The following TSPOAP1 variants were observed in gnomAD, a reference collection of about 807,000 sequenced individuals.
TSPOAP1 encodes peripheral-type benzodiazepine receptor-associated protein 1.
Under a neutral mutation model 197.0 loss-of-function variants are expected in TSPOAP1, and 87 were observed. That is an observed-to-expected ratio of 0.44 (90% CI 0.37 to 0.53). The LOEUF (loss-of-function observed/expected upper bound fraction) is 0.53. TSPOAP1 is among the 20% of genes least tolerant of loss of function. The probability of loss-of-function intolerance (pLI) is 0.00; values close to 1 mark genes in which losing one functional copy is unlikely to be tolerated. For synonymous variants in TSPOAP1, 913 were observed against 998.9 expected, an observed-to-expected ratio of 0.91 and a Z score of 1.62; for missense variants, 2,174 against 2,411.3, an observed-to-expected ratio of 0.90 and a Z score of 2.06.
In TSPOAP1 at chr17:58,319,142, T is replaced by G. The variant is rs1598073253; in HGVS notation, c.1647A>C (p.Pro549=). Residue 549 remains proline (P), a synonymous_variant, in exon 13 of 32, where the codon CCA becomes CCC. Transcript: ENST00000343736. ...GGGGAATGGAGCAGCAGCAGGGGGG[T>G]GGTGGGCAGTCTCCAAGGCTCCCAC... ...LDCGSLGDCP[P]PPCCCSIPQP... is the part of the protein sequence containing the mutation. 1 of 1,547,848 alleles carries G rather than the reference T, an allele frequency of 6.5e-7. No homozygotes were observed. Among genetic ancestry groups the G allele is most frequent in the South Asian group, 1.2e-5 (1 of 84,116 alleles).
At position 58,324,798 on chromosome 17, in the gene TSPOAP1, C is replaced by A. The variant is rs1187567543; in HGVS notation, c.942+13G>T. On this transcript the variant is annotated intron_variant, in intron 5 of 31. Coordinates refer to ENST00000343736, the MANE Select transcript of TSPOAP1 (RefSeq NM_004758.4). This position sits in a 1 kb window ranked among gnomAD's most constrained non-coding sequence, Gnocchi z 5.8. ...GCACGCACCCACACACCTGCCCTTGCGCCGGCGCTCACCTCTCCCGGGGCC... is the reference window on the plus strand; with the variant it reads ...GCACGCACCCACACACCTGCCCTTGAGCCGGCGCTCACCTCTCCCGGGGCC... 14 of 1,446,528 alleles carry A rather than the reference C, an allele frequency of 9.7e-6. No homozygotes were observed. The East Asian group carries it at 3.0e-4, about 31-fold the overall frequency. 89.6% of individuals were successfully genotyped at this position (1,446,528 alleles called of 1,614,324 possible). A position where few individuals can be genotyped will look rare whatever the true frequency, so the allele number is the denominator to read the frequency against.
chr17:58,325,540 C>A lies in TSPOAP1; in HGVS notation c.744G>T (p.Val248=), dbSNP rs771851755. 1 of 1,612,326 alleles carries A rather than the reference C, an allele frequency of 6.2e-7. No homozygotes were observed. Among genetic ancestry groups the A allele is most frequent in the Non-Finnish European group, 8.5e-7 (1 of 1,180,012 alleles). The change falls in exon 4 of 32, where the codon GTG becomes GTT. Residue 248 remains valine (V), a synonymous_variant. Transcript: ENST00000343736. Reference sequence around the variant, plus strand: ...GACCAGGGCCTCCTCGCACCTTGCCCACCAGAGTGAGCCTGGCCTGCAGCT... The same window carrying A: ...GACCAGGGCCTCCTCGCACCTTGCCAACCAGAGTGAGCCTGGCCTGCAGCT... ...CRELQARLTL[V]GKEGPQWLHV...
chr17:58,319,346 C>A (rs1370402770), intron 12 of TSPOAP1, 52 bp from the exon 13 acceptor site: 2 of 1,516,940 alleles, frequency 1.3e-6, no homozygotes, highest in Admixed American at 4.0e-5. Context: ...TACCCAGTGC[C>A]AGCCCGTGCC....
chr17:58,316,274 C>T (rs944943526), intron 15 of TSPOAP1, 142 bp from the exon 16 acceptor site: 2 of 1,053,520 alleles, frequency 1.9e-6, no homozygotes, highest in East Asian at 2.4e-5. Flanking sequence ...GCCCTCACTG[C>T]ACCCACCTTG....
intron 3 of TSPOAP1, 86 bp from the exon 4 acceptor site, chr17:58,325,799 G>C: frequency 7.0e-7 from 1 of 1,437,240 alleles, no homozygotes; most frequent in Non-Finnish European, 9.3e-7. Context: ...GGAGGAGTTA[G>C]CATGAAAACC....
chr17:58,307,043 C>G (rs978180795), intron 24 of TSPOAP1, 75 bp from the exon 25 acceptor site: 24 of 1,472,602 alleles, frequency 1.6e-5, no homozygotes, highest in Non-Finnish European at 2.2e-5. Flanking sequence ...CCAGCAACAC[C>G]CCACTTGGAA....
chr17:58,325,510 G>A lies in TSPOAP1; in HGVS notation c.750+24C>T, dbSNP rs777301745. ...GGCCCTGTGCAGGGCTGAGCTGGAAGAGGTGACCAGGGCCTCCTCGCACCT... is the reference window on the plus strand; with the variant it reads ...GGCCCTGTGCAGGGCTGAGCTGGAAAAGGTGACCAGGGCCTCCTCGCACCT... On this transcript the variant is annotated intron_variant, in intron 4 of 31. Transcript: ENST00000343736. The A allele has an allele frequency of 6.8e-6, 11 of 1,610,964 alleles. No homozygotes were observed. In the South Asian group the frequency reaches 1.1e-4, roughly 16 times the overall value.
In TSPOAP1 at chr17:58,323,326, C is replaced by T. The variant is rs930998149; in HGVS notation, c.1076G>A (p.Arg359Gln). The part of the protein sequence containing the change: ...KKCESLEQEA[R>Q]KKQRRCEELE... ...CTCCTCACATCGCCTCTGCTTTTTC[C>T]GGGCTTCCTGCTCCAGGCTCTCGCA... The change falls in exon 7 of 32, where the codon CGG (arginine) becomes CAG (glutamine). Residue 359 changes from arginine (R) to glutamine (Q), a missense_variant. Coordinates refer to ENST00000343736, the MANE Select transcript of TSPOAP1 (RefSeq NM_004758.4). 8.1e-6 allele frequency: 13 copies of T among 1,614,116 alleles called. No individual in the cohort carries two copies. In the South Asian group the frequency reaches 9.9e-5, roughly 12 times the overall value.
Position 58,328,020 on chromosome 17 carries a change from A to C in TSPOAP1, c.-100T>G. The C allele has an allele frequency of 9.2e-7, 1 of 1,085,010 alleles. No homozygotes were observed. The highest frequency in any genetic ancestry group is 1.6e-5 in the African/African-American group (1 of 62,994). 67.2% of individuals were successfully genotyped at this position (1,085,010 alleles called of 1,614,324 possible). On this transcript the variant is annotated 5_prime_UTR_variant, in exon 1 of 32. Transcript: ENST00000343736. This position sits in a 1 kb window ranked among gnomAD's most constrained non-coding sequence, Gnocchi z 4.3. ...GCCAGGCCAGCCCCTCTCCCCTCTG[A>C]GCTCTTGCTTCACCGACGCTCCATC...
chr17:58,318,531 T>C (rs1478441077), intron 13 of TSPOAP1, 79 bp from the exon 14 acceptor site: 3 of 1,416,606 alleles, frequency 2.1e-6, no homozygotes, highest in Middle Eastern at 2.5e-4. Context: ...TTCTTGGATA[T>C]GGGGACCAGG....
chr17:58,308,156 G>A (rs1481917409), intron 22 of TSPOAP1, among the ~76,000 whole-genome samples: 1 of 152,180 alleles, frequency 6.6e-6, no homozygotes, highest in Non-Finnish European at 1.5e-5. Context: ...CCTGCGAGTA[G>A]ATGAATGGAG....
chr17:58,322,971 C>T lies in TSPOAP1; in HGVS notation c.1173G>A (p.Gly391=), dbSNP rs1384267169. 1.9e-6 allele frequency: 3 copies of T among 1,610,914 alleles called. No individual in the cohort carries two copies. The highest frequency in any genetic ancestry group is 2.5e-6 in the Non-Finnish European group (3 of 1,178,796). Residue 391 remains glycine (G), a synonymous_variant, in exon 8 of 32, where the codon GGG becomes GGA. Coordinates refer to ENST00000343736, the MANE Select transcript of TSPOAP1 (RefSeq NM_004758.4). The surrounding 1 kb of genome is among the most constrained non-coding windows in gnomAD (Gnocchi z 5.0). ...GTACCTGCTCCTTCTCTGTGGCTCT[C>T]CCACTGAGCCGGGAGTTCTCCTCCA... is the stretch of plus-strand genomic sequence containing the variant. ...RLVEENSRLS[G]RATEKEQVEW...
Position 58,328,664 on chromosome 17 carries a change from A to C in TSPOAP1, c.-744T>G, listed in dbSNP as rs1971730826. 1 of 153,190 alleles carries C rather than the reference A, an allele frequency of 6.5e-6. No homozygotes were observed. The highest frequency in any genetic ancestry group is 1.5e-5 in the Non-Finnish European group (1 of 68,892). 9.5% of individuals were successfully genotyped at this position (153,190 alleles called of 1,614,324 possible). A position where few individuals can be genotyped will look rare whatever the true frequency, so the allele number is the denominator to read the frequency against. On this transcript the variant is annotated 5_prime_UTR_variant, in exon 1 of 32. Coordinates refer to ENST00000343736, the MANE Select transcript of TSPOAP1 (RefSeq NM_004758.4). The surrounding 1 kb of genome is among the most constrained non-coding windows in gnomAD (Gnocchi z 4.3). Reference sequence around the variant, plus strand: ...CTGGGTGGCTGGGCTGGTCCTAAGGAGGCCTGGGTCGATGGGCTGCTTGCC... The same window carrying C: ...CTGGGTGGCTGGGCTGGTCCTAAGGCGGCCTGGGTCGATGGGCTGCTTGCC...
At chr17:58,306,305 C>T (rs1970889890) in intron 26 of TSPOAP1, 37 bp downstream of exon 26, 1 of 1,528,906 alleles carries the variant, frequency 6.5e-7, no homozygotes, top group Non-Finnish European at 8.9e-7. Flanking sequence ...GCACACACAT[C>T]CTCCCAGCAC....
Position 58,316,085 on chromosome 17 carries a change from G to A in TSPOAP1, c.2036C>T (p.Pro679Leu), listed in dbSNP as rs374457249. The A allele has an allele frequency of 2.4e-5, 39 of 1,613,968 alleles. No homozygotes were observed. The highest frequency in any genetic ancestry group is 3.3e-5 in the Admixed American group (2 of 59,990). The change falls in exon 16 of 32, where the codon CCG becomes CTG. Residue 679 changes from proline to leucine, a missense_variant. Around this residue, in one of 5 missense-constraint regions of TSPOAP1, gnomAD observed 1,933 missense variants for 2,139.0 expected, o/e 0.90. Transcript: ENST00000343736. ...GTAGATGTACTCGCCAGCTGTCAGC[G>A]GAAGCTCTGCTTCTGGATTCTCATT... ...GPNENPEAELPLTAGEYIYIY... is the reference protein window; with the variant it reads ...GPNENPEAELLLTAGEYIYIY...
chr17:58,319,393 T>C, intron 12 of TSPOAP1, 99 bp from the exon 13 acceptor site: 1 of 1,313,094 alleles, frequency 7.6e-7, no homozygotes, highest in Non-Finnish European at 1.0e-6. Flanking sequence ...TCAGGTCATA[T>C]CCATCCACCC....
chr17:58,305,321 G>A, intron 29 of TSPOAP1, 66 bp downstream of exon 29: 1 of 1,580,764 alleles, frequency 6.3e-7, no homozygotes. Context: ...AGGGTTCCTT[G>A]CCTATCCCCC....
Position 58,328,047 on chromosome 17 carries a change from A to C in TSPOAP1, c.-127T>G. ...CTCTTGCTTCACCGACGCTCCATCCAAGGTTGGCTGAGCTCTTCCCCACCC... is the reference window on the plus strand; with the variant it reads ...CTCTTGCTTCACCGACGCTCCATCCCAGGTTGGCTGAGCTCTTCCCCACCC... On this transcript the variant is annotated 5_prime_UTR_variant, in exon 1 of 32. Coordinates refer to ENST00000343736, the MANE Select transcript of TSPOAP1 (RefSeq NM_004758.4). This position sits in a 1 kb window ranked among gnomAD's most constrained non-coding sequence, Gnocchi z 4.3. 10 of 891,746 alleles carry C rather than the reference A, an allele frequency of 1.1e-5. No individual in the cohort carries two copies. Among genetic ancestry groups the C allele is most frequent in the Non-Finnish European group, 1.7e-5 (10 of 603,582 alleles). 55.2% of individuals were successfully genotyped at this position (891,746 alleles called of 1,614,324 possible). A position where few individuals can be genotyped will look rare whatever the true frequency, so the allele number is the denominator to read the frequency against.
At chr17:58,308,065 C>G (rs1354503058) in intron 22 of TSPOAP1, 124 bp from the exon 23 acceptor site, 1 of 1,027,138 alleles carries the variant, frequency 9.7e-7, no homozygotes, top group East Asian at 2.6e-5. Context: ...ATTCCTCTCC[C>G]GGAGCCTCGG....
Sources: allele counts gnomAD v4.1 joint callset (sites outside exome capture counted in the v4.1 genomes callset), GRCh38; gene constraint gnomAD v4.1.1; regional missense constraint gnomAD v4.1.1; non-coding constraint Gnocchi (gnomAD v3.1); transcripts MANE v1.5; gene names NCBI Gene and HGNC (gene_info 2026-07-23, HGNC 2026-07-21).